Variants in KCNK2 observed in about 807,000 individuals in gnomAD.
KCNK2 encodes potassium two pore domain channel subfamily K member 2.
Under a neutral mutation model 40.5 loss-of-function variants are expected in KCNK2, and 21 were observed. The observed-to-expected ratio is 0.52, with a 90% confidence interval of 0.37 to 0.75. The LOEUF (loss-of-function observed/expected upper bound fraction) is 0.75, where lower values mean the gene tolerates loss of function less well. Ranked by LOEUF, KCNK2 falls within the 30% of genes least tolerant of loss-of-function variation. The pLI is 0.00. For missense variants in KCNK2, 399 were observed against 531.6 expected (o/e 0.75, Z 2.45); for synonymous variants, 191 against 202.2 (o/e 0.94, Z 0.47).
intron 5 of KCNK2, among the ~76,000 whole-genome samples, chr1:215,176,753 G>T (rs1663995363): frequency 6.6e-6 from 1 of 152,118 alleles, no homozygotes; most frequent in South Asian, 2.1e-4. Context: ...GGGCATTTGG[G>T]TTGATTTCTT....
At chr1:215,222,930 G>C (rs1490811310) in intron 6 of KCNK2, among the ~76,000 whole-genome samples, 2 of 152,088 alleles carry the variant, frequency 1.3e-5, no homozygotes, top group East Asian at 1.9e-4. Context: ...AATTTAGCTA[G>C]AGGGATGTTT....
intron 6 of KCNK2, among the ~76,000 whole-genome samples, chr1:215,232,332 T>C (rs1666698153): frequency 6.6e-6 from 1 of 152,178 alleles, no homozygotes; most frequent in African/African-American, 2.4e-5. Flanking sequence ...AAAAAAGCTA[T>C]GTACAAAACA....
chr1:215,086,199 A>T (rs1345204156), intron 1 of KCNK2, among the ~76,000 whole-genome samples, 169 bp from the exon 2 acceptor site: 1 of 152,042 alleles, frequency 6.6e-6, no homozygotes, highest in African/African-American at 2.4e-5. Context: ...CCTTGAACCC[A>T]TATATGTGGT....
chr1:215,172,789 T>C (rs951691556), intron 5 of KCNK2, among the ~76,000 whole-genome samples: 4 of 152,040 alleles, frequency 2.6e-5, no homozygotes, highest in African/African-American at 9.7e-5. Flanking sequence ...CCTGAGTAGC[T>C]GGGATTACAG....
At chr1:215,110,692 T>C (rs559029306) in intron 2 of KCNK2, among the ~76,000 whole-genome samples, 2 of 152,066 alleles carry the variant, frequency 1.3e-5, no homozygotes, top group Non-Finnish European at 2.9e-5. Context: ...TTTTAAAGCA[T>C]TTTTAGGTTC....
intron 6 of KCNK2, among the ~76,000 whole-genome samples, chr1:215,208,420 G>C (rs1476315823): frequency 6.6e-6 from 1 of 152,032 alleles, no homozygotes; most frequent in African/African-American, 2.4e-5. Flanking sequence ...TTAATACCTT[G>C]GTGATGAAAT....
chr1:215,011,168 G>C (rs920142739), intron 1 of KCNK2, among the ~76,000 whole-genome samples: 1 of 151,830 alleles, frequency 6.6e-6, no homozygotes, highest in African/African-American at 2.4e-5. Flanking sequence ...TGTGCTTCCC[G>C]TTTGTGGTCA....
chr1:215,140,797 A>G (rs571754891), intron 3 of KCNK2, among the ~76,000 whole-genome samples: 1 of 152,122 alleles, frequency 6.6e-6, no homozygotes, highest in African/African-American at 2.4e-5. Flanking sequence ...CTTAGGCTGC[A>G]CTAAATTTAT....
At chr1:215,199,043 G>A (rs1037987373) in intron 6 of KCNK2, among the ~76,000 whole-genome samples, 1 of 152,090 alleles carries the variant, frequency 6.6e-6, no homozygotes, top group Non-Finnish European at 1.5e-5. Flanking sequence ...CCAGCCAGGC[G>A]CTGTGGCTCA....
At chr1:215,110,752 C>T (rs1374533490) in intron 2 of KCNK2, among the ~76,000 whole-genome samples, 1 of 99,608 alleles carries the variant, frequency 1.0e-5, no homozygotes, top group African/African-American at 2.6e-5. Context: ...ATTCCCTGCC[C>T]CCACACATGC....
intron 3 of KCNK2, among the ~76,000 whole-genome samples, chr1:215,147,348 GA>G (rs1398713883): frequency 2.0e-5 from 3 of 152,146 alleles, no homozygotes; most frequent in African/African-American, 7.2e-5. Flanking sequence ...TTTTGCTATG[GA>G]TCCTTAGTTT....
chr1:215,226,386 C>T (rs535870981), intron 6 of KCNK2, among the ~76,000 whole-genome samples: 1 of 152,252 alleles, frequency 6.6e-6, no homozygotes, highest in African/African-American at 2.4e-5. Flanking sequence ...AGCGCAGTGG[C>T]GTGATCTCGG....
chr1:215,201,880 C>A (rs1310106255), intron 6 of KCNK2, among the ~76,000 whole-genome samples: 2 of 151,986 alleles, frequency 1.3e-5, no homozygotes, highest in Non-Finnish European at 1.5e-5. Context: ...TTTCTTCTTC[C>A]CACCCTCCAT....
chr1:215,189,782 A>G (rs1214744981), intron 5 of KCNK2, among the ~76,000 whole-genome samples: 2 of 152,218 alleles, frequency 1.3e-5, no homozygotes, highest in Non-Finnish European at 2.9e-5. Context: ...CACCTTATTC[A>G]GTAAAATTAC....
chr1:215,143,546 G>A (rs1222650602), intron 3 of KCNK2, among the ~76,000 whole-genome samples: 1 of 152,126 alleles, frequency 6.6e-6, no homozygotes, highest in African/African-American at 2.4e-5. Context: ...ACCCTATAAG[G>A]TGGTTGTTTC....
chr1:215,062,419 C>T (rs1163816646), intron 1 of KCNK2, among the ~76,000 whole-genome samples: 1 of 151,850 alleles, frequency 6.6e-6, no homozygotes, highest in Non-Finnish European at 1.5e-5. Flanking sequence ...TGGCTAGTAC[C>T]ATAGCTAGTC....
chr1:215,203,323 CA>C (rs1430530972), intron 6 of KCNK2, among the ~76,000 whole-genome samples: 1 of 152,112 alleles, frequency 6.6e-6, no homozygotes, highest in Non-Finnish European at 1.5e-5. Flanking sequence ...CAAACATCAC[CA>C]AAATGTCTAA....
At chr1:215,109,762 A>G (rs1178482620) in intron 2 of KCNK2, among the ~76,000 whole-genome samples, 2 of 152,106 alleles carry the variant, frequency 1.3e-5, no homozygotes, top group Non-Finnish European at 2.9e-5. Flanking sequence ...ACTGGATTGT[A>G]TGGTAGTTCT....
At chr1:215,106,233 A>G (rs1245738591) in intron 2 of KCNK2, among the ~76,000 whole-genome samples, 1 of 152,024 alleles carries the variant, frequency 6.6e-6, no homozygotes, top group Non-Finnish European at 1.5e-5. Context: ...ATTTTCCTCT[A>G]CAGTCCTGCC....
Sources: allele counts gnomAD v4.1 joint callset (sites outside exome capture counted in the v4.1 genomes callset), GRCh38; gene constraint gnomAD v4.1.1; transcripts MANE v1.5; gene names NCBI Gene and HGNC (gene_info 2026-07-23, HGNC 2026-07-21).